The following PTPRG variants were observed in gnomAD, a reference collection of about 807,000 sequenced individuals.
PTPRG encodes the protein receptor-type tyrosine-protein phosphatase gamma.
A neutral mutation model predicts 165.3 loss-of-function variants in PTPRG; 102 were observed. That is an observed-to-expected ratio of 0.62 (90% CI 0.53 to 0.73). The LOEUF (loss-of-function observed/expected upper bound fraction) is 0.73. Ranked by LOEUF, PTPRG falls within the 30% of genes least tolerant of loss-of-function variation. The pLI is 0.00. For missense variants in PTPRG, 1,866 were observed against 1,861.4 expected, an observed-to-expected ratio of 1.00 and a Z score of -0.05; for synonymous variants, 675 against 669.5, an observed-to-expected ratio of 1.01 and a Z score of -0.13.
intron 1 of PTPRG, chr3:61,743,045 G>A: frequency 6.3e-7 from 1 of 1,596,774 alleles, no homozygotes; most frequent in South Asian, 1.1e-5. Context: ...CGCTTGCGCT[G>A]GTTCCGGTGC....
rs553152220 is a variant in PTPRG, at chr3:62,038,915, T to C, written c.519+35418T>C. On this transcript the variant is annotated intron_variant, in intron 4 of 29. Transcript: ENST00000474889. ...ACCCAGGTATTAAGCCTAGTACTCATTAGTTATTTTTCCTGATCGGAGAGA... is the reference window on the plus strand; with the variant it reads ...ACCCAGGTATTAAGCCTAGTACTCACTAGTTATTTTTCCTGATCGGAGAGA... Among the ~76,000 whole-genome samples, 282 of 152,208 alleles carry C rather than the reference T, an allele frequency of 1.9e-3. 1 individual carries two copies. The highest frequency in any genetic ancestry group is 6.6e-3 in the African/African-American group (273 of 41,532).
intron 2 of PTPRG, among the ~76,000 whole-genome samples, chr3:61,970,886 A>G (rs1412606775): frequency 6.6e-6 from 1 of 152,176 alleles, no homozygotes; most frequent in Non-Finnish European, 1.5e-5. Context: ...GAGTTTATGA[A>G]CCAAGTGAGT....
At chr3:61,573,514 G>A (rs1700107703) in intron 1 of PTPRG, among the ~76,000 whole-genome samples, 1 of 152,320 alleles carries the variant, frequency 6.6e-6, no homozygotes, top group African/African-American at 2.4e-5. Flanking sequence ...GAAGATTTGA[G>A]GGGATGATTC....
chr3:61,680,074 AAAC>A (rs1372874249), intron 1 of PTPRG, among the ~76,000 whole-genome samples: 5 of 152,222 alleles, frequency 3.3e-5, no homozygotes. Flanking sequence ...TGAGCAGAGC[AAAC>A]CAGAGCAGTT....
chr3:61,795,357 A>T (rs566533712), intron 2 of PTPRG, among the ~76,000 whole-genome samples: 48 of 152,106 alleles, frequency 3.2e-4, no homozygotes, highest in African/African-American at 9.9e-4. Context: ...AGTAGGCGGG[A>T]ATAGGCCGGG....
intron 13 of PTPRG, among the ~76,000 whole-genome samples, chr3:62,226,134 G>A (rs1700758853): frequency 6.6e-6 from 1 of 152,214 alleles, no homozygotes; most frequent in East Asian, 1.9e-4. Flanking sequence ...TTAATTTTTG[G>A]TGGATTGTGG....
At chr3:62,068,671 G>T (rs550916544) in intron 4 of PTPRG, among the ~76,000 whole-genome samples, 62 of 152,088 alleles carry the variant, frequency 4.1e-4, no homozygotes, top group Admixed American at 1.4e-3. Flanking sequence ...GTTTGGTTTG[G>T]TTTTTTGAGA....
intron 2 of PTPRG, among the ~76,000 whole-genome samples, chr3:61,979,392 G>A (rs1382799): frequency 0.56 from 85,689 of 151,780 alleles, 25,140 homozygotes; most frequent in African/African-American, 0.74. Flanking sequence ...TCCTATCCCT[G>A]TTGAACAGAT....
chr3:62,260,334 G>T (rs1356662146), intron 16 of PTPRG, among the ~76,000 whole-genome samples: 1 of 152,068 alleles, frequency 6.6e-6, no homozygotes, highest in Non-Finnish European at 1.5e-5. Flanking sequence ...TTATTTTTTT[G>T]AATTGAGCCA....
intron 5 of PTPRG, among the ~76,000 whole-genome samples, chr3:62,091,993 G>T (rs1376943221): frequency 6.6e-6 from 1 of 151,004 alleles, no homozygotes; most frequent in African/African-American, 2.4e-5. Flanking sequence ...ATATATGGTG[G>T]TTCAGCTGCT....
At chr3:61,584,588 T>C (rs1423887728) in intron 1 of PTPRG, among the ~76,000 whole-genome samples, 4 of 140,578 alleles carry the variant, frequency 2.8e-5, no homozygotes, top group East Asian at 4.1e-4. Flanking sequence ...TTTTTTTTTT[T>C]CTACTTTTTC....
intron 4 of PTPRG, among the ~76,000 whole-genome samples, chr3:62,070,385 T>A (rs550766526): frequency 1.3e-5 from 2 of 152,342 alleles, no homozygotes; most frequent in African/African-American, 2.4e-5. Flanking sequence ...TTCCAAGAGA[T>A]GGCATGGATT....
intron 5 of PTPRG, among the ~76,000 whole-genome samples, chr3:62,129,967 GT>G (rs1272279435): frequency 6.6e-6 from 1 of 152,150 alleles, no homozygotes; most frequent in African/African-American, 2.4e-5. Flanking sequence ...AAAACTACTG[GT>G]ATCATAGCCT....
chr3:62,101,415 C>T (rs1702286296), intron 5 of PTPRG, among the ~76,000 whole-genome samples: 1 of 152,150 alleles, frequency 6.6e-6, no homozygotes, highest in Non-Finnish European at 1.5e-5. Context: ...TATACCATGC[C>T]AAAGAATAAC....
chr3:61,911,367 C>T (rs1054275287), intron 2 of PTPRG, among the ~76,000 whole-genome samples: 25 of 152,124 alleles, frequency 1.6e-4, no homozygotes, highest in Admixed American at 1.6e-3. Context: ...AAAGAGTAGG[C>T]AAATTAAATG....
At chr3:62,029,897 CCA>C (rs1363228950) in intron 4 of PTPRG, among the ~76,000 whole-genome samples, 1 of 152,184 alleles carries the variant, frequency 6.6e-6, no homozygotes. Flanking sequence ...CGGCCACCTT[CCA>C]CCTGTCACAA....
At chr3:61,592,546 A>G (rs1225435457) in intron 1 of PTPRG, among the ~76,000 whole-genome samples, 3 of 152,048 alleles carry the variant, frequency 2.0e-5, no homozygotes, top group African/African-American at 4.8e-5. Flanking sequence ...GTTTTTATAT[A>G]AAGTTTAGCC....
chr3:62,158,458 T>C (rs1434441751), intron 7 of PTPRG, among the ~76,000 whole-genome samples: 2 of 152,240 alleles, frequency 1.3e-5, no homozygotes, highest in Non-Finnish European at 2.9e-5. Context: ...CTGATTGTTC[T>C]AGTACCAGTT....
In PTPRG at chr3:61,562,265, C is replaced by T. The variant is rs199608216; in HGVS notation, c.-23C>T. On this transcript the variant is annotated 5_prime_UTR_variant, in exon 1 of 30. Transcript: ENST00000474889. ...AACAAGTTTACCTCCCTGCTTTCCTCTTTTCGATGTGCGTTTTCGGACATG... is the reference window on the plus strand; with the variant it reads ...AACAAGTTTACCTCCCTGCTTTCCTTTTTTCGATGTGCGTTTTCGGACATG... 24 of 1,609,870 alleles carry T rather than the reference C, an allele frequency of 1.5e-5. 1 individual carries two copies. Among genetic ancestry groups the T allele is most frequent in the South Asian group, 6.6e-5 (6 of 91,016 alleles).
Sources: allele counts gnomAD v4.1 joint callset (sites outside exome capture counted in the v4.1 genomes callset), GRCh38; gene constraint gnomAD v4.1.1; transcripts MANE v1.5; gene names NCBI Gene and HGNC (gene_info 2026-07-23, HGNC 2026-07-21).